RPF1: variants seen among roughly 807,000 people sequenced by gnomAD.
The protein encoded by RPF1 is ribosome production factor 1.
Under a neutral mutation model 41.9 loss-of-function variants are expected in RPF1, and 34 were observed. The observed-to-expected ratio is 0.81, with a 90% CI of 0.62 to 1.08. RPF1 has a LOEUF of 1.08. Among genes scored for constraint, RPF1 ranks in the 50% least tolerant of loss-of-function variants. The probability of loss-of-function intolerance (pLI) is 0.00; values close to 1 mark genes in which losing one functional copy is unlikely to be tolerated. For synonymous variants in RPF1, 140 were observed against 148.9 expected (o/e 0.94, Z 0.43); for missense variants, 425 against 435.2 (o/e 0.98, Z 0.21).
intron 6 of RPF1, 46 bp from the exon 7 acceptor site, chr1:84,495,836 A>T: frequency 7.8e-7 from 1 of 1,276,322 alleles, no homozygotes; most frequent in Non-Finnish European, 1.1e-6. Context: ...ACGTATTGCC[A>T]ATTAGCTTAG....
chr1:84,489,345 C>G (rs1257194751), intron 3 of RPF1, among the ~76,000 whole-genome samples: 9 of 151,610 alleles, frequency 5.9e-5, no homozygotes, highest in Non-Finnish European at 1.0e-4. Context: ...TTTTACTAAC[C>G]AAGTTGATGA....
intron 5 of RPF1, among the ~76,000 whole-genome samples, chr1:84,490,829 T>G (rs1013536991): frequency 6.6e-6 from 1 of 152,176 alleles, no homozygotes; most frequent in Non-Finnish European, 1.5e-5. Context: ...ACCCTGTGAC[T>G]GGTACAAAGT....
In RPF1 at chr1:84,479,405, C is replaced by T; in HGVS notation, c.124C>T (p.Pro42Ser). The T allele has an allele frequency of 1.9e-6, 3 of 1,614,210 alleles. No individual in the cohort carries two copies. Among genetic ancestry groups the T allele is most frequent in the Non-Finnish European group, 2.5e-6 (3 of 1,180,024 alleles). ...GDGATENGVQ[P>S]PKAAAFPPGF... is the part of the protein sequence containing the mutation. ...TGGGGCGACGGAAAACGGGGTCCAACCCCCGAAAGCGGCTGCCTTTCCGCC... is the reference window on the plus strand; with the variant it reads ...TGGGGCGACGGAAAACGGGGTCCAATCCCCGAAAGCGGCTGCCTTTCCGCC... The change falls in exon 1 of 9, where the codon CCC (proline) becomes TCC (serine). Residue 42 changes from proline (P) to serine (S), a missense_variant. Physicochemically the swap from Pro to Ser is moderately conservative, Grantham distance 74. Transcript: ENST00000370654.
At position 84,479,316 on chromosome 1, in the gene RPF1, G is replaced by C. The variant is rs913005561; in HGVS notation, c.35G>C (p.Gly12Ala). The change falls in exon 1 of 9, where the codon GGG becomes GCG. Residue 12 changes from glycine (G) to alanine (A), a missense_variant. By Grantham distance (60) the Gly-to-Ala change is moderately conservative. Transcript: ENST00000370654. Reference protein sequence around the residue: ...AKAGDKSSSSGKKSLKRKAAA... With the variant: ...AKAGDKSSSSAKKSLKRKAAA... ...GCCGGGGATAAGAGCAGCAGCAGCG[G>C]GAAGAAAAGTCTAAAACGGAAAGCC... The C allele has an allele frequency of 6.2e-7, 1 of 1,609,262 alleles. No individual in the cohort carries two copies. Among genetic ancestry groups the C allele is most frequent in the Admixed American group, 1.7e-5 (1 of 59,104 alleles).
At position 84,485,972 on chromosome 1, in the gene RPF1, A is replaced by G. The variant is rs184978807; in HGVS notation, c.366+2977A>G. ...ACTGGGTAGTGATTTTATATAGGAA[A>G]GTCAGGGTAGGCTTTATTGAGAAAT... On this transcript the variant is annotated intron_variant, in intron 3 of 8. Transcript: ENST00000370654. 9.9e-5 allele frequency among the ~76,000 whole-genome samples: 15 copies of G among 152,274 alleles called. No individual in the cohort carries two copies. In the East Asian group the frequency reaches 2.7e-3, roughly 27 times the overall value.
intron 3 of RPF1, among the ~76,000 whole-genome samples, chr1:84,485,583 C>T (rs1167255105): frequency 6.6e-6 from 1 of 152,152 alleles, no homozygotes; most frequent in African/African-American, 2.4e-5. Context: ...GGGAGGCTAA[C>T]CTGTGCCATG....
chr1:84,492,969 C>G (rs957265631), intron 5 of RPF1, among the ~76,000 whole-genome samples: 1 of 152,194 alleles, frequency 6.6e-6, no homozygotes, highest in Non-Finnish European at 1.5e-5. Context: ...CCCTCTTCAG[C>G]CTCTTTTCCT....
chr1:84,497,560 G>A lies in RPF1; in HGVS notation c.*90G>A. ...TTGACAGAATACTCTTTTCAAAATG[G>A]CATTTGCTGATTTCATAAACCTTTC... On this transcript the variant is annotated 3_prime_UTR_variant, in exon 9 of 9. Transcript: ENST00000370654. The A allele has an allele frequency of 1.0e-6, 1 of 958,642 alleles. No individual in the cohort carries two copies. The highest frequency in any genetic ancestry group is 1.6e-6 in the Non-Finnish European group (1 of 642,752). 59.4% of individuals were successfully genotyped at this position (958,642 alleles called of 1,614,324 possible).
chr1:84,495,421 A>C lies in RPF1; in HGVS notation c.665A>C (p.Lys222Thr). The C allele has an allele frequency of 6.6e-7, 1 of 1,520,128 alleles. No homozygotes were observed. Among genetic ancestry groups the C allele is most frequent in the East Asian group, 2.3e-5 (1 of 43,960 alleles). The allele number at this position is 1,520,128 out of a possible 1,614,324, so 94.2% of individuals were successfully genotyped here. ...CCAAATGGCCCAACTGCTCATTTTA[A>C]AATGAGCAGTGTTCGTCTTCGTAAA... ...HLPNGPTAHF[K>T]MSSVRLRKEI... Residue 222 changes from lysine (K) to threonine (T), a missense_variant, in exon 6 of 9, where the codon AAA (lysine) becomes ACA (threonine). Physicochemically the swap from Lys to Thr is moderately conservative, Grantham distance 78. Coordinates refer to ENST00000370654, the MANE Select transcript of RPF1 (RefSeq NM_025065.7).
intron 5 of RPF1, among the ~76,000 whole-genome samples, chr1:84,491,710 G>A (rs549888804): frequency 6.6e-6 from 1 of 151,450 alleles, no homozygotes; most frequent in African/African-American, 2.4e-5. Flanking sequence ...TTTTATTTTT[G>A]GCAGTTAAAA....
chr1:84,489,314 T>G, intron 3 of RPF1, among the ~76,000 whole-genome samples: 1 of 152,204 alleles, frequency 6.6e-6, no homozygotes, highest in East Asian at 1.9e-4. Flanking sequence ...TTGTTTGTTT[T>G]GTTTTTTTTG....
intron 3 of RPF1, among the ~76,000 whole-genome samples, chr1:84,484,077 A>G (rs1346008051): frequency 6.6e-6 from 1 of 152,240 alleles, no homozygotes; most frequent in African/African-American, 2.4e-5. Flanking sequence ...TTAGCCAGTG[A>G]TAGCTTACTA....
chr1:84,482,743 A>G (rs535763781), intron 2 of RPF1, among the ~76,000 whole-genome samples, 172 bp from the exon 3 acceptor site: 4 of 152,106 alleles, frequency 2.6e-5, no homozygotes, highest in African/African-American at 9.6e-5. Context: ...TTAAAAAAAA[A>G]AAAAAGCCTC....
intron 3 of RPF1, among the ~76,000 whole-genome samples, chr1:84,484,812 A>C (rs548939947): frequency 6.6e-6 from 1 of 150,920 alleles, no homozygotes; most frequent in Non-Finnish European, 1.5e-5. Flanking sequence ...CAGCCTCCCA[A>C]GTAGCTAGGA....
chr1:84,487,542 A>C (rs888872409), intron 3 of RPF1, among the ~76,000 whole-genome samples: 28 of 152,122 alleles, frequency 1.8e-4, no homozygotes, highest in African/African-American at 6.8e-4. Flanking sequence ...CAATTCATGA[A>C]TTCTCTTTTT....
chr1:84,488,687 T>C, intron 3 of RPF1, among the ~76,000 whole-genome samples: 1 of 152,130 alleles, frequency 6.6e-6, no homozygotes, highest in Non-Finnish European at 1.5e-5. Flanking sequence ...TCACTAGAGA[T>C]AGATTATTAT....
chr1:84,479,404 ACCCC>A lies in RPF1; in HGVS notation c.125_128del (p.Pro42ArgfsTer23). 6.2e-7 allele frequency: 1 copy of A among 1,614,128 alleles called. No homozygotes were observed. Among genetic ancestry groups the A allele is most frequent in the Admixed American group, 1.7e-5 (1 of 60,024 alleles). ...ATGGGGCGACGGAAAACGGGGTCCAACCCCCGAAAGCGGCTGCCTTTCCGCCAGG... is the reference window on the plus strand; with the variant it reads ...ATGGGGCGACGGAAAACGGGGTCCAACGAAAGCGGCTGCCTTTCCGCCAGG... On this transcript the variant is annotated frameshift_variant, in exon 1 of 9. Transcript: ENST00000370654. LOFTEE classifies it high-confidence loss of function.
rs768385168 is a variant in RPF1, at chr1:84,496,237, T to G, written c.882-7T>G. 17 of 1,608,694 alleles carry G rather than the reference T, an allele frequency of 1.1e-5. No individual in the cohort carries two copies. The East Asian group carries it at 3.8e-4, about 36-fold the overall frequency. On this transcript the variant is annotated splice_polypyrimidine_tract_variant and splice_region_variant and intron_variant, in intron 7 of 8. Coordinates refer to ENST00000370654, the MANE Select transcript of RPF1 (RefSeq NM_025065.7). ...TCAGACTAATTTAACTCTTTTTGTC[T>G]TTGAAGATACATATTCAGGAGTGAA...
At position 84,483,012 on chromosome 1, in the gene RPF1, T is replaced by C; in HGVS notation, c.366+17T>C. ...GATGAAGAGGTAATGTTAGAAGTCT[T>C]AAATTAGTTTGAATGATCACATATA... On this transcript the variant is annotated intron_variant, in intron 3 of 8. Coordinates refer to ENST00000370654, the MANE Select transcript of RPF1 (RefSeq NM_025065.7). The C allele has an allele frequency of 7.0e-7, 1 of 1,433,542 alleles. No individual in the cohort carries two copies. The highest frequency in any genetic ancestry group is 1.1e-5 in the South Asian group (1 of 87,230). 88.8% of individuals were successfully genotyped at this position (1,433,542 alleles called of 1,614,324 possible). A position where few individuals can be genotyped will look rare whatever the true frequency, so the allele number is the denominator to read the frequency against.
Sources: gnomAD v4.1 joint callset for allele counts (sites outside exome capture counted in the v4.1 genomes callset) on GRCh38, gnomAD v4.1.1 for gene constraint, MANE v1.5 for transcripts, NCBI Gene and HGNC (gene_info 2026-07-23, HGNC 2026-07-21) for gene names.